FAM228B: variants seen among roughly 807,000 people sequenced by gnomAD.
FAM228B encodes the protein family with sequence similarity 228 member B, also known as protein FAM228B.
Under a neutral mutation model 42.6 loss-of-function variants are expected in FAM228B, and 38 were observed. That is an observed-to-expected ratio of 0.89 (90% CI 0.69 to 1.17). The LOEUF is 1.17. Ranked by LOEUF, FAM228B falls within the 50% of genes most tolerant of loss-of-function variation. FAM228B has a pLI of 0.00. For missense variants in FAM228B, 344 were observed against 367.3 expected, an observed-to-expected ratio of 0.94 and a Z score of 0.52; for synonymous variants, 109 against 122.3, an observed-to-expected ratio of 0.89 and a Z score of 0.72.
In FAM228B at chr2:24,077,610, A is replaced by G. The variant is rs370720315; in HGVS notation, c.-290+641A>G. ...GGGCAGTTCCAGGACGATCTTGCCTATGTTCTTGTTGGCCTCCATGTACTT... is the reference window on the plus strand; with the variant it reads ...GGGCAGTTCCAGGACGATCTTGCCTGTGTTCTTGTTGGCCTCCATGTACTT... On this transcript the variant is annotated intron_variant, in intron 1 of 10. Transcript: ENST00000613899. This position sits in a 1 kb window ranked among gnomAD's most constrained non-coding sequence, Gnocchi z 5.5. 5.6e-6 allele frequency: 9 copies of G among 1,613,550 alleles called. No homozygotes were observed. The African/African-American group carries it at 6.7e-5, about 12-fold the overall frequency.
chr2:24,087,958 G>A (rs894559991), intron 2 of FAM228B, among the ~76,000 whole-genome samples: 17 of 151,980 alleles, frequency 1.1e-4, no homozygotes, highest in African/African-American at 3.6e-4. Context: ...GTCCAGGCTG[G>A]TCGCAAACTC....
intron 2 of FAM228B, among the ~76,000 whole-genome samples, chr2:24,094,561 T>G (rs1350170843): frequency 3.9e-5 from 6 of 152,284 alleles, no homozygotes; most frequent in Admixed American, 3.3e-4. Flanking sequence ...CATAACTCAC[T>G]GTAACCTCAA....
chr2:24,149,549 C>G (rs113941442), intron 7 of FAM228B, among the ~76,000 whole-genome samples: 5,276 of 152,262 alleles, frequency 0.035, 123 homozygotes, highest in Non-Finnish European at 0.055. Context: ...TCTCCTGTCT[C>G]AGCCTCCTGA....
intron 7 of FAM228B, among the ~76,000 whole-genome samples, chr2:24,150,389 A>G (rs945110346): frequency 2.6e-5 from 4 of 151,882 alleles, no homozygotes; most frequent in South Asian, 2.1e-4. Flanking sequence ...TTCTAGGGTA[A>G]AAGTTTTTTT....
chr2:24,155,531 ATTT>A (rs70944720), intron 7 of FAM228B, among the ~76,000 whole-genome samples: 15 of 13,020 alleles, frequency 1.2e-3, no homozygotes, highest in African/African-American at 2.8e-3. Context: ...ATATATATAT[ATTT>A]TTTTTTTTTT....
At chr2:24,124,507 G>A (rs757696093) in intron 2 of FAM228B, 47 bp downstream of exon 2, 6 of 1,225,346 alleles carry the variant, frequency 4.9e-6, no homozygotes, top group East Asian at 5.1e-5. Context: ...TACTTGGATC[G>A]TTGCAGTAGG....
Position 24,088,511 on chromosome 2 carries a change from C to T in FAM228B, c.-209-6630C>T, listed in dbSNP as rs539287158. 1.1e-4 allele frequency among the ~76,000 whole-genome samples: 17 copies of T among 152,086 alleles called. No homozygotes were observed. The East Asian group carries it at 1.4e-3, about 12-fold the overall frequency. On this transcript the variant is annotated intron_variant, in intron 2 of 10. Transcript: ENST00000613899. ...GATTACAGGCATGCACCACCAAGCC[C>T]GGCTAATTTTTGCATATTTAGTAGA...
At chr2:24,148,569 T>C (rs1226165514) in intron 7 of FAM228B, among the ~76,000 whole-genome samples, 2 of 152,190 alleles carry the variant, frequency 1.3e-5, no homozygotes, top group African/African-American at 4.8e-5. Flanking sequence ...ATACCTTTTT[T>C]TTTAATTTGT....
chr2:24,079,711 A>G (rs1664917958), intron 1 of FAM228B: 1 of 1,438,114 alleles, frequency 7.0e-7, no homozygotes, highest in Non-Finnish European at 9.7e-7. Context: ...ATATTTGGGG[A>G]TTATGGATAT....
chr2:24,147,089 A>G lies in FAM228B; in HGVS notation c.686+3A>G, dbSNP rs1464165933. ...AGTGAATTTTGTAGAAGGAGAAGGT[A>G]ATGGTTAATATACTAGAAATTATAG... On this transcript the variant is annotated splice_donor_region_variant and intron_variant, in intron 7 of 10. Transcript: ENST00000615575. 1 of 1,544,988 alleles carries G rather than the reference A, an allele frequency of 6.5e-7. No individual in the cohort carries two copies. The highest frequency in any genetic ancestry group is 8.8e-7 in the Non-Finnish European group (1 of 1,141,806).
intron 7 of FAM228B, among the ~76,000 whole-genome samples, chr2:24,158,041 G>A (rs1295249656): frequency 1.3e-5 from 2 of 151,868 alleles, no homozygotes; most frequent in East Asian, 3.9e-4. Context: ...TGATTCCTGT[G>A]TCCCTCAGTT....
chr2:24,141,498 C>A (rs912399179), intron 5 of FAM228B, among the ~76,000 whole-genome samples: 3 of 152,176 alleles, frequency 2.0e-5, no homozygotes, highest in Admixed American at 2.0e-4. Flanking sequence ...CCCGCCTCGA[C>A]CTCCCAAAGT....
upstream of FAM228B, chr2:24,119,516 TC>T: frequency 8.2e-7 from 1 of 1,222,914 alleles, no homozygotes; most frequent in Non-Finnish European, 1.2e-6. Context: ...TCTCTGTTAC[TC>T]GTAGTCGGAA....
rs922171467 is a variant in FAM228B, at chr2:24,139,475, C to T, written c.441+25C>T. On this transcript the variant is annotated intron_variant, in intron 5 of 10. Transcript: ENST00000615575. ...GGTAGGGTAGATTTCTTTTTTTTAA[C>T]TTTGGTATTATGTGTTTGGTTGTTT... The T allele has an allele frequency of 4.2e-6, 6 of 1,418,298 alleles. 1 individual carries two copies. In the Middle Eastern group the frequency reaches 5.2e-4, roughly 124 times the overall value. The allele number at this position is 1,418,298 out of a possible 1,614,324, so 87.9% of individuals were successfully genotyped here.
upstream of FAM228B, chr2:24,122,373 A>G (rs1311418941): frequency 2.9e-6 from 4 of 1,361,310 alleles, no homozygotes; most frequent in Admixed American, 7.8e-5. Flanking sequence ...GAAGAATAGA[A>G]ATAATAAGTA....
chr2:24,114,804 C>T (rs773985316), intron 3 of FAM228B, among the ~76,000 whole-genome samples: 1 of 152,196 alleles, frequency 6.6e-6, no homozygotes, highest in Non-Finnish European at 1.5e-5. Context: ...TCCAGATTAT[C>T]ACCTAGGAGA....
At chr2:24,159,263 A>T (rs894962537) in intron 7 of FAM228B, among the ~76,000 whole-genome samples, 1 of 152,262 alleles carries the variant, frequency 6.6e-6, no homozygotes, top group Non-Finnish European at 1.5e-5. Context: ...AATTCATCCT[A>T]TAACATTACA....
chr2:24,098,349 G>GT (rs1665543395), intron 3 of FAM228B, among the ~76,000 whole-genome samples: 1 of 152,104 alleles, frequency 6.6e-6, no homozygotes, highest in Admixed American at 6.6e-5. Context: ...CCAGGAGCTG[G>GT]TTTTTTGAAA....
rs1189755128 is a variant in FAM228B at position 24,164,206 on chromosome 2, G to A, written c.803G>A (p.Gly268Glu). 3 of 1,549,776 alleles carry A rather than the reference G, an allele frequency of 1.9e-6. No homozygotes were observed. Among genetic ancestry groups the A allele is most frequent in the Non-Finnish European group, 2.6e-6 (3 of 1,145,946 alleles). Residue 268 changes from glycine to glutamate, a missense_variant, in exon 9 of 11, where the codon GGG becomes GAG. Coordinates refer to ENST00000615575, the MANE Select transcript of FAM228B (RefSeq NM_001145710.2). Reference protein sequence around the residue: ...EEKTVIYKNKGSSFLEREPLC... With the variant: ...EEKTVIYKNKESSFLEREPLC... ...CTGGTTCCTTCCTGCAGAAACAAAG[G>A]GTCATCCTTTCTAGAAAGAGAACCG...
Sources: gnomAD v4.1 joint callset for allele counts (sites outside exome capture counted in the v4.1 genomes callset) on GRCh38, gnomAD v4.1.1 for gene constraint, Gnocchi (gnomAD v3.1) non-coding constraint, MANE v1.5 for transcripts, NCBI Gene and HGNC (gene_info 2026-07-23, HGNC 2026-07-21) for gene names.